FGF12: variants seen among roughly 807,000 people sequenced by gnomAD.
FGF12 encodes fibroblast growth factor 12B.
A neutral mutation model predicts 23.6 loss-of-function variants in FGF12; 14 were observed. The observed-to-expected ratio is 0.59, with a 90% CI of 0.39 to 0.93. The LOEUF is 0.93. Ranked by LOEUF, FGF12 falls within the 40% of genes least tolerant of loss-of-function variation. FGF12 has a pLI of 0.00. For synonymous variants in FGF12, 62 were observed against 77.3 expected (o/e 0.80, Z 1.04); for missense variants, 175 against 217.8 (o/e 0.80, Z 1.24).
chr3:192,716,945 C>T (rs1353350460), intron 2 of FGF12, among the ~76,000 whole-genome samples: 1 of 152,168 alleles, frequency 6.6e-6, no homozygotes, highest in East Asian at 1.9e-4. Flanking sequence ...AAAGAAGCTG[C>T]AACCCAATGC....
chr3:192,564,001 C>A (rs1220882156), intron 2 of FGF12, among the ~76,000 whole-genome samples: 1 of 152,102 alleles, frequency 6.6e-6, no homozygotes, highest in Non-Finnish European at 1.5e-5. Context: ...TATTAGGAGG[C>A]ACCAAGGCTT....
chr3:192,414,432 C>T (rs1300262369), intron 2 of FGF12, among the ~76,000 whole-genome samples: 5 of 152,110 alleles, frequency 3.3e-5, no homozygotes, highest in African/African-American at 4.8e-5. Context: ...CTGTGCTATA[C>T]GCATGTCAAC....
intron 2 of FGF12, among the ~76,000 whole-genome samples, chr3:192,504,778 AGACC>A (rs1724245370): frequency 6.6e-6 from 1 of 152,186 alleles, no homozygotes; most frequent in East Asian, 1.9e-4. Context: ...TCCTCTCTGT[AGACC>A]CAGACCTTCC....
At chr3:192,438,586 T>C (rs1048312266) in intron 2 of FGF12, among the ~76,000 whole-genome samples, 45 of 152,188 alleles carry the variant, frequency 3.0e-4, no homozygotes, top group Non-Finnish European at 6.0e-4. Context: ...TAAGCCTCTT[T>C]CTGCTTCAGC....
intron 4 of FGF12, among the ~76,000 whole-genome samples, chr3:192,276,250 G>A (rs901214167): frequency 2.6e-5 from 4 of 152,102 alleles, no homozygotes; most frequent in African/African-American, 9.7e-5. Flanking sequence ...TCCCTCACAA[G>A]AGCACAACTT....
Position 192,360,374 on chromosome 3 carries a change from A to G in FGF12, c.124+54T>C. The G allele has an allele frequency of 8.1e-7, 1 of 1,237,572 alleles. No individual in the cohort carries two copies. The highest frequency in any genetic ancestry group is 1.2e-6 in the Non-Finnish European group (1 of 837,650). The allele number at this position is 1,237,572 out of a possible 1,614,324, so 76.7% of individuals were successfully genotyped here. A position where few individuals can be genotyped will look rare whatever the true frequency, so the allele number is the denominator to read the frequency against. ...TAGCAATGCTTTAAGTATAAGATACACTGGGCCCTACATTTGATTTGTAAT... is the reference window on the plus strand; with the variant it reads ...TAGCAATGCTTTAAGTATAAGATACGCTGGGCCCTACATTTGATTTGTAAT... On this transcript the variant is annotated intron_variant, in intron 3 of 5. Coordinates refer to ENST00000445105, the MANE Select transcript of FGF12 (RefSeq NM_004113.6). The surrounding 1 kb of genome is among the most constrained non-coding windows in gnomAD (Gnocchi z 4.3).
intron 2 of FGF12, among the ~76,000 whole-genome samples, chr3:192,599,254 T>TATA (rs11269443): frequency 0.047 from 4,595 of 98,292 alleles, 93 homozygotes; most frequent in South Asian, 0.1. Context: ...GAACTTGAAG[T>TATA]ATAATAATAA....
At chr3:192,326,997 T>G (rs1180870374) in intron 4 of FGF12, among the ~76,000 whole-genome samples, 1 of 152,170 alleles carries the variant, frequency 6.6e-6, no homozygotes, top group African/African-American at 2.4e-5. Context: ...AAGGTTTTAT[T>G]GCACATAAGG....
intron 4 of FGF12, among the ~76,000 whole-genome samples, chr3:192,215,905 T>G (rs999235544): frequency 6.6e-6 from 1 of 152,184 alleles, no homozygotes; most frequent in Non-Finnish European, 1.5e-5. Context: ...ATTTTAAGAC[T>G]CCTCCTTCTT....
intron 2 of FGF12, among the ~76,000 whole-genome samples, chr3:192,575,247 T>A (rs989032248): frequency 6.6e-6 from 1 of 152,200 alleles, no homozygotes; most frequent in African/African-American, 2.4e-5. Flanking sequence ...GATGCAATTG[T>A]TATATTCATT....
At chr3:192,294,414 G>C (rs1177863397) in intron 4 of FGF12, among the ~76,000 whole-genome samples, 2 of 152,078 alleles carry the variant, frequency 1.3e-5, no homozygotes, top group Non-Finnish European at 2.9e-5. Flanking sequence ...TTAGGAGTTA[G>C]GATTTCAACA....
chr3:192,190,857 G>A (rs1281516350), intron 4 of FGF12, among the ~76,000 whole-genome samples: 2 of 152,188 alleles, frequency 1.3e-5, no homozygotes, highest in African/African-American at 4.8e-5. Flanking sequence ...CAAATGATGT[G>A]ATAATGCTCG....
In FGF12 at chr3:192,655,905, G is replaced by A. The variant is rs532632254; in HGVS notation, c.13+71276C>T. On this transcript the variant is annotated intron_variant, in intron 2 of 5. Coordinates refer to ENST00000445105, the MANE Select transcript of FGF12 (RefSeq NM_004113.6). Reference sequence around the variant, plus strand: ...AACACAAGCATGAGGATTTTAGAGCGAAAGGTCAGTGAAGCCATAGGAAAA... The same window carrying A: ...AACACAAGCATGAGGATTTTAGAGCAAAAGGTCAGTGAAGCCATAGGAAAA... Among the ~76,000 whole-genome samples, 34 of 152,098 alleles carry A rather than the reference G, an allele frequency of 2.2e-4. 1 individual carries two copies. Among genetic ancestry groups the A allele is most frequent in the Middle Eastern group, 6.8e-3 (2 of 294 alleles).
intron 4 of FGF12, among the ~76,000 whole-genome samples, chr3:192,303,860 C>G (rs760922013): frequency 1.3e-5 from 2 of 152,140 alleles, no homozygotes; most frequent in Non-Finnish European, 2.9e-5. Flanking sequence ...TCTCAAAGCC[C>G]TTTGAAACTG....
At chr3:192,420,790 CA>C (rs1295053405) in intron 2 of FGF12, among the ~76,000 whole-genome samples, 4 of 152,026 alleles carry the variant, frequency 2.6e-5, no homozygotes, top group African/African-American at 9.7e-5. Flanking sequence ...TTGTTTTTAG[CA>C]ACATCAAATG....
chr3:192,645,290 T>G (rs1383306563), intron 2 of FGF12, among the ~76,000 whole-genome samples: 2 of 152,022 alleles, frequency 1.3e-5, no homozygotes, highest in African/African-American at 2.4e-5. Context: ...GAGGATATCA[T>G]AACAGCACAA....
At chr3:192,261,606 G>C (rs1038669736) in intron 4 of FGF12, among the ~76,000 whole-genome samples, 1 of 152,156 alleles carries the variant, frequency 6.6e-6, no homozygotes, top group African/African-American at 2.4e-5. Context: ...GTTATGTCCA[G>C]GAACACATGA....
intron 4 of FGF12, among the ~76,000 whole-genome samples, chr3:192,205,300 T>C (rs1350246463): frequency 6.6e-6 from 1 of 152,172 alleles, no homozygotes; most frequent in African/African-American, 2.4e-5. Context: ...ATCTACCCTT[T>C]ATAGCACTTT....
At chr3:192,663,257 G>A (rs1157280258) in intron 2 of FGF12, among the ~76,000 whole-genome samples, 1 of 152,214 alleles carries the variant, frequency 6.6e-6, no homozygotes, top group Non-Finnish European at 1.5e-5. Context: ...TAGAAGATCT[G>A]ATGATAATTG....
Sources: allele counts gnomAD v4.1 joint callset (sites outside exome capture counted in the v4.1 genomes callset), GRCh38; gene constraint gnomAD v4.1.1; non-coding constraint Gnocchi (gnomAD v3.1); transcripts MANE v1.5; gene names NCBI Gene and HGNC (gene_info 2026-07-23, HGNC 2026-07-21).